Variants in YAF2 observed in about 807,000 individuals in gnomAD.
The protein encoded by YAF2 is YY1 associated factor 2, also known as YY1-associated factor 2.
Under a neutral mutation model 20.1 loss-of-function variants are expected in YAF2, and 7 were observed. The observed-to-expected ratio is 0.35, with a 90% CI of 0.20 to 0.65. The LOEUF (loss-of-function observed/expected upper bound fraction) is 0.65, where lower values mean the gene tolerates loss of function less well. YAF2 is among the 30% of genes least tolerant of loss of function. The pLI, the probability that YAF2 is intolerant of heterozygous loss-of-function variation, is 0.69. For missense variants in YAF2, 151 were observed against 219.2 expected (o/e 0.69, Z 1.96); for synonymous variants, 74 against 76.0 (o/e 0.97, Z 0.14).
intron 2 of YAF2, among the ~76,000 whole-genome samples, chr12:42,214,568 G>A (rs1012167113): frequency 2.6e-5 from 4 of 151,728 alleles, no homozygotes; most frequent in Non-Finnish European, 5.9e-5. Flanking sequence ...CGCCATGCCC[G>A]GCCTCCTCTT....
At chr12:42,237,372 T>C in intron 2 of YAF2, 1 of 1,220,260 alleles carries the variant, frequency 8.2e-7, no homozygotes, top group South Asian at 2.2e-5. Flanking sequence ...TTAAATAATT[T>C]ATTCTCTCTT....
At chr12:42,191,630 A>C (rs1297059015) in intron 2 of YAF2, among the ~76,000 whole-genome samples, 3 of 152,122 alleles carry the variant, frequency 2.0e-5, no homozygotes, top group Non-Finnish European at 4.4e-5. Flanking sequence ...CACTTATTTT[A>C]CACTGAGCAC....
intron 2 of YAF2, among the ~76,000 whole-genome samples, chr12:42,177,524 C>T (rs76212513): frequency 1.3e-5 from 2 of 152,284 alleles, no homozygotes; most frequent in African/African-American, 4.8e-5. Context: ...ACCAATCCTA[C>T]TGGATTAGGA....
chr12:42,237,815 C>T (rs925290112), intron 1 of YAF2, 91 bp from the exon 2 acceptor site: 1 of 1,032,098 alleles, frequency 9.7e-7, no homozygotes, highest in African/African-American at 1.8e-5. Context: ...CGCCCCGCCC[C>T]CCGCCCCAAT....
chr12:42,233,171 T>C, intron 2 of YAF2: 1 of 985,418 alleles, frequency 1.0e-6, no homozygotes, highest in Non-Finnish European at 1.2e-6. Context: ...GTGTAACATC[T>C]AGCACTCTTT....
At chr12:42,231,844 A>T (rs1358167787) in intron 2 of YAF2, 7 of 152,244 alleles carry the variant, frequency 4.6e-5, no homozygotes, top group Non-Finnish European at 8.8e-5. Context: ...CACTGGCAAC[A>T]TATAGTATCA....
At chr12:42,205,976 C>T (rs1591998851) in intron 2 of YAF2, 2 of 343,998 alleles carry the variant, frequency 5.8e-6, no homozygotes, top group East Asian at 1.6e-4. Context: ...CTCCACTCCT[C>T]TGTGTATGCT....
intron 2 of YAF2, among the ~76,000 whole-genome samples, chr12:42,218,062 G>A (rs1478744011): frequency 6.6e-6 from 1 of 151,986 alleles, no homozygotes; most frequent in African/African-American, 2.4e-5. Flanking sequence ...GCTTTTACTG[G>A]CTTAATTCTT....
At chr12:42,236,943 C>T (rs535607121) in intron 2 of YAF2, among the ~76,000 whole-genome samples, 5 of 152,218 alleles carry the variant, frequency 3.3e-5, no homozygotes, top group Middle Eastern at 3.4e-3. Flanking sequence ...TAAATAAAGT[C>T]TGAAAATAGG....
At chr12:42,211,520 T>C (rs2067209496) in intron 2 of YAF2, among the ~76,000 whole-genome samples, 1 of 149,500 alleles carries the variant, frequency 6.7e-6, no homozygotes, top group South Asian at 2.1e-4. Flanking sequence ...GTGGATCACC[T>C]GAGGTTGGGA....
At position 42,206,858 on chromosome 12, in the gene YAF2, TCTC is replaced by T. The variant is rs202063932; in HGVS notation, c.152+30738_152+30740del. Among the ~76,000 whole-genome samples, 880 of 152,180 alleles carry T rather than the reference TCTC, an allele frequency of 5.8e-3. 31 individuals carry two copies. In the East Asian group the frequency reaches 0.079, roughly 14 times the overall value. On this transcript the variant is annotated intron_variant, in intron 2 of 3. Coordinates refer to ENST00000534854, the MANE Select transcript of YAF2 (RefSeq NM_005748.6). ...CAATAAAGTTCTCTTTAAAACACTT[TCTC>T]CTCATCTTTTTTTAAAATTTCAAAG...
At chr12:42,236,023 T>C (rs1356154598) in intron 2 of YAF2, 2 of 1,534,796 alleles carry the variant, frequency 1.3e-6, no homozygotes, top group Non-Finnish European at 1.7e-6. Flanking sequence ...TAGGCTCTTC[T>C]AGTTTCAGTA....
Position 42,218,371 on chromosome 12 carries a change from G to T in YAF2, c.152+19228C>A, listed in dbSNP as rs1489262680. Among the ~76,000 whole-genome samples the T allele has an allele frequency of 2.0e-5, 3 of 152,042 alleles. No individual in the cohort carries two copies. The East Asian group carries it at 5.8e-4, about 29-fold the overall frequency. ...TTTGACTGATGAATATGGTTTGTCT[G>T]CTCGTAAATGTTATATCTTCATGAC... On this transcript the variant is annotated intron_variant, in intron 2 of 3. Transcript: ENST00000534854.
chr12:42,219,768 T>G (rs1035689653), intron 2 of YAF2, among the ~76,000 whole-genome samples: 1 of 152,126 alleles, frequency 6.6e-6, no homozygotes, highest in Admixed American at 6.6e-5. Context: ...AATGTGCATA[T>G]AAATAACCTA....
At chr12:42,212,946 G>C (rs115760257) in intron 2 of YAF2, among the ~76,000 whole-genome samples, 1,602 of 152,296 alleles carry the variant, frequency 0.011, 29 homozygotes, top group African/African-American at 0.037. Flanking sequence ...CCTAGTCACT[G>C]GAGTAAGTAC....
chr12:42,174,381 C>T (rs1487172563), intron 2 of YAF2, among the ~76,000 whole-genome samples: 1 of 152,124 alleles, frequency 6.6e-6, no homozygotes, highest in African/African-American at 2.4e-5. Context: ...TCCTGAAAAA[C>T]TTTTTTCACT....
intron 2 of YAF2, among the ~76,000 whole-genome samples, chr12:42,205,393 T>A (rs2067012858): frequency 6.6e-6 from 1 of 150,794 alleles, no homozygotes; most frequent in Non-Finnish European, 1.5e-5. Context: ...TTTTTTTTTT[T>A]GAGACGGAGT....
At chr12:42,189,625 A>G (rs2066562037) in intron 2 of YAF2, among the ~76,000 whole-genome samples, 1 of 152,194 alleles carries the variant, frequency 6.6e-6, no homozygotes, top group Non-Finnish European at 1.5e-5. Flanking sequence ...TATATTGTCT[A>G]TATGTATCTG....
At chr12:42,164,674 C>CA (rs879347155) in intron 2 of YAF2, among the ~76,000 whole-genome samples, 244 of 144,316 alleles carry the variant, frequency 1.7e-3, no homozygotes, top group African/African-American at 3.8e-3. Context: ...TAAATCTCAT[C>CA]AAAAAAAAAA....
Sources: allele counts gnomAD v4.1 joint callset (sites outside exome capture counted in the v4.1 genomes callset), GRCh38; gene constraint gnomAD v4.1.1; transcripts MANE v1.5; gene names NCBI Gene and HGNC (gene_info 2026-07-23, HGNC 2026-07-21).